OPRM1: variants seen among roughly 807,000 people sequenced by gnomAD.
The protein encoded by OPRM1 is opioid receptor mu 1.
Under a neutral mutation model 31.8 loss-of-function variants are expected in OPRM1, and 27 were observed. The ratio of observed to expected loss-of-function variants is 0.85; its 90% CI spans 0.63 to 1.17. The LOEUF is 1.17. Among genes scored for constraint, OPRM1 ranks in the 50% most tolerant of loss-of-function variants. The pLI, the probability that OPRM1 is intolerant of heterozygous loss-of-function variation, is 0.00. For synonymous variants in OPRM1, 196 were observed against 189.9 expected (o/e 1.03, Z -0.26); for missense variants, 536 against 511.1 (o/e 1.05, Z -0.47).
At chr6:154,145,122 G>T (rs1347006592) in intron 3 of OPRM1, among the ~76,000 whole-genome samples, 1 of 152,122 alleles carries the variant, frequency 6.6e-6, no homozygotes, top group Non-Finnish European at 1.5e-5. Context: ...TCAAGAAAAT[G>T]CCAGAAGTTC....
intron 1 of OPRM1, among the ~76,000 whole-genome samples, chr6:154,089,228 A>G (rs1791394027): frequency 6.6e-6 from 1 of 151,886 alleles, no homozygotes; most frequent in South Asian, 2.1e-4. Context: ...TGCCCCTACT[A>G]TTTGACTGGA....
At chr6:154,136,727 G>A (rs191861835), downstream of OPRM1, among the ~76,000 whole-genome samples, 90 of 152,282 alleles carry the variant, frequency 5.9e-4, no homozygotes, top group Admixed American at 1.2e-3. Context: ...GGAGAGTGGT[G>A]AAAACTGGCA....
intron 3 of OPRM1, among the ~76,000 whole-genome samples, chr6:154,246,047 A>C (rs1226989312): frequency 6.6e-6 from 1 of 152,180 alleles, no homozygotes; most frequent in Non-Finnish European, 1.5e-5. Context: ...AAGAGGTGAC[A>C]GTCGCCAATG....
At chr6:154,199,800 C>T (rs1186834195) in intron 3 of OPRM1, 1 of 1,614,174 alleles carries the variant, frequency 6.2e-7, no homozygotes, top group East Asian at 2.2e-5. Context: ...AAACTGTTTT[C>T]CAGGGCCTTG....
At chr6:154,173,260 C>A (rs1022679538) in intron 3 of OPRM1, among the ~76,000 whole-genome samples, 2 of 152,180 alleles carry the variant, frequency 1.3e-5, no homozygotes, top group African/African-American at 4.8e-5. Context: ...AACACCTCTT[C>A]TCCTCCAAAG....
chr6:154,182,018 C>T (rs1043022264), intron 3 of OPRM1, among the ~76,000 whole-genome samples: 3 of 152,084 alleles, frequency 2.0e-5, no homozygotes, highest in Admixed American at 6.6e-5. Context: ...CAAACCTGCA[C>T]ATCTGCGCAT....
rs1022167139 is a variant in OPRM1 at position 154,124,658 on chromosome 6, A to G, written c.*5937A>G. Among the ~76,000 whole-genome samples the G allele has an allele frequency of 6.6e-6, 1 of 152,224 alleles. No homozygotes were observed. Among genetic ancestry groups the G allele is most frequent in the African/African-American group, 2.4e-5 (1 of 41,460 alleles). ...ACTTCATATGCTCGAAACTAAAGTA[A>G]AACTTTATTGAAATACATTAATATG... On this transcript the variant is annotated 3_prime_UTR_variant, in exon 4 of 4. Coordinates refer to ENST00000330432, the MANE Select transcript of OPRM1 (RefSeq NM_000914.5).
intron 3 of OPRM1, among the ~76,000 whole-genome samples, chr6:154,161,912 C>A (rs1400276503): frequency 6.6e-6 from 1 of 152,210 alleles, no homozygotes; most frequent in African/African-American, 2.4e-5. Context: ...ATTTTCACAT[C>A]CTTTTTCTGG....
intron 1 of OPRM1, among the ~76,000 whole-genome samples, chr6:154,040,319 T>C (rs1779799359): frequency 6.6e-6 from 1 of 152,114 alleles, no homozygotes; most frequent in Admixed American, 6.5e-5. Context: ...TCAATTGTTT[T>C]GAGATGGACC....
chr6:154,214,419 C>T (rs1438069114), intron 3 of OPRM1: 4 of 696,916 alleles, frequency 5.7e-6, no homozygotes, highest in East Asian at 2.6e-5. Flanking sequence ...TTTGTGCCAT[C>T]GAAACCTAAG....
intron 1 of OPRM1, among the ~76,000 whole-genome samples, chr6:154,019,747 C>CTTTTTTTTTTTTTTTT (rs373120574): frequency 3.3e-5 from 4 of 122,014 alleles, no homozygotes; most frequent in African/African-American, 1.4e-4. Flanking sequence ...CTTTTCTTTT[C>CTTTTTTTTTTTTTTTT]TTTTTTTTTT....
chr6:154,172,830 T>C (rs1012472872), intron 3 of OPRM1, among the ~76,000 whole-genome samples: 4 of 152,230 alleles, frequency 2.6e-5, no homozygotes, highest in African/African-American at 9.7e-5. Flanking sequence ...CGGCATTCGA[T>C]CTCTGATAAC....
At chr6:154,213,743 C>T (rs937418949) in intron 3 of OPRM1, among the ~76,000 whole-genome samples, 3 of 152,098 alleles carry the variant, frequency 2.0e-5, no homozygotes, top group East Asian at 1.9e-4. Context: ...CTGAAAGCTA[C>T]CGACTGAGCT....
At chr6:154,225,737 G>A (rs925472095) in intron 3 of OPRM1, among the ~76,000 whole-genome samples, 31 of 152,326 alleles carry the variant, frequency 2.0e-4, no homozygotes, top group Middle Eastern at 6.8e-3. Flanking sequence ...AGTAATTAAT[G>A]TTAGGTTGTA....
Position 154,107,370 on chromosome 6 carries a change from G to A in OPRM1, c.1165-11313G>A, listed in dbSNP as rs1583576668. On this transcript the variant is annotated intron_variant, in intron 3 of 3. Transcript: ENST00000330432. ...AACTTCACCAAAGGCAACCTCCTTG[G>A]TGCTTAGAGAAAGGAAAATTTCAGA... 43 of 670,284 alleles carry A rather than the reference G, an allele frequency of 6.4e-5. No individual in the cohort carries two copies. The East Asian group carries it at 1.2e-3, about 18-fold the overall frequency. The allele number at this position is 670,284 out of a possible 1,614,324, so 41.5% of individuals were successfully genotyped here.
chr6:154,229,811 G>A (rs1779583441), intron 3 of OPRM1, among the ~76,000 whole-genome samples: 1 of 152,198 alleles, frequency 6.6e-6, no homozygotes, highest in African/African-American at 2.4e-5. Context: ...CCTAGAACTG[G>A]AAACAACCTA....
intron 3 of OPRM1, chr6:154,160,062 G>C (rs1467338912): frequency 3.2e-6 from 5 of 1,569,362 alleles, no homozygotes; most frequent in Non-Finnish European, 3.5e-6. Flanking sequence ...GAAAAAAAGG[G>C]GAAGGGGGTA....
At chr6:154,188,160 T>C (rs1172662163) in intron 3 of OPRM1, among the ~76,000 whole-genome samples, 1 of 152,230 alleles carries the variant, frequency 6.6e-6, no homozygotes, top group East Asian at 1.9e-4. Context: ...TTAGAAAGTT[T>C]GATTCTTAAA....
downstream of OPRM1, among the ~76,000 whole-genome samples, chr6:154,133,526 T>C (rs573923723): frequency 6.6e-6 from 1 of 152,374 alleles, no homozygotes; most frequent in African/African-American, 2.4e-5. Context: ...TGCATTTGTC[T>C]GGAGTATTTA....
Sources: allele counts gnomAD v4.1 joint callset (sites outside exome capture counted in the v4.1 genomes callset), GRCh38; gene constraint gnomAD v4.1.1; transcripts MANE v1.5; gene names NCBI Gene and HGNC (gene_info 2026-07-23, HGNC 2026-07-21).